Variants in MICU1 observed in about 807,000 individuals in gnomAD.
MICU1 encodes the protein calcium uptake protein 1, mitochondrial.
MICU1 carries 45 observed loss-of-function variants against 56.8 expected under a neutral mutation model. The observed-to-expected ratio is 0.79, with a 90% confidence interval of 0.62 to 1.02. MICU1 has a LOEUF of 1.02. Ranked by LOEUF, MICU1 falls within the 50% of genes least tolerant of loss-of-function variation. The pLI is 0.00. For synonymous variants in MICU1, 186 were observed against 195.1 expected (o/e 0.95, Z 0.39); for missense variants, 504 against 587.1 (o/e 0.86, Z 1.46).
chr10:72,404,959 T>G (rs1370273765), intron 10 of MICU1, among the ~76,000 whole-genome samples: 3 of 152,204 alleles, frequency 2.0e-5, no homozygotes, highest in Non-Finnish European at 2.9e-5. Flanking sequence ...CAGTCTGGAG[T>G]GCAGTGGCGT....
At chr10:72,608,740 A>G (rs1274644113) in intron 1 of MICU1, among the ~76,000 whole-genome samples, 2 of 152,200 alleles carry the variant, frequency 1.3e-5, no homozygotes, top group Non-Finnish European at 2.9e-5. Flanking sequence ...ATGTTTCTCC[A>G]TACTTAACTG....
chr10:72,385,044 C>T (rs1862841033), intron 10 of MICU1, among the ~76,000 whole-genome samples: 1 of 152,132 alleles, frequency 6.6e-6, no homozygotes, highest in South Asian at 2.1e-4. Flanking sequence ...CACTTTCCGG[C>T]ATCACATAAA....
chr10:72,403,195 G>C (rs1438360772), intron 10 of MICU1, among the ~76,000 whole-genome samples: 2 of 151,862 alleles, frequency 1.3e-5, no homozygotes, highest in African/African-American at 4.8e-5. Flanking sequence ...GGCCAAGACA[G>C]TGACCCGGGT....
At chr10:72,444,139 G>A (rs1162897590) in intron 8 of MICU1, among the ~76,000 whole-genome samples, 4 of 149,832 alleles carry the variant, frequency 2.7e-5, no homozygotes, top group African/African-American at 4.9e-5. Flanking sequence ...ACCAAACACC[G>A]CATATTCTCA....
intron 4 of MICU1, among the ~76,000 whole-genome samples, chr10:72,550,102 T>G (rs532545686): frequency 1.3e-5 from 2 of 152,274 alleles, no homozygotes; most frequent in East Asian, 3.9e-4. Context: ...GTACCAATAA[T>G]AACATCATAG....
intron 10 of MICU1, among the ~76,000 whole-genome samples, chr10:72,380,154 G>C (rs906916877): frequency 6.6e-6 from 1 of 152,144 alleles, no homozygotes; most frequent in African/African-American, 2.4e-5. Context: ...ACCAGTTGTT[G>C]GTACTGGAAT....
intron 1 of MICU1, among the ~76,000 whole-genome samples, chr10:72,610,094 AC>A (rs1231750357): frequency 1.3e-5 from 2 of 151,682 alleles, no homozygotes; most frequent in African/African-American, 4.8e-5. Flanking sequence ...CCCCATCCCT[AC>A]AAAAATTTTT....
At position 72,436,149 on chromosome 10, in the gene MICU1, C is replaced by T. The variant is rs2132169263; in HGVS notation, c.934-12778G>A. Among the ~76,000 whole-genome samples, 5 of 152,342 alleles carry T rather than the reference C, an allele frequency of 3.3e-5. No homozygotes were observed. The East Asian group carries it at 9.6e-4, about 29-fold the overall frequency. ...ACACCTCCCAGTAGGGGCTGACAGACACCTCATATAGGCGGCTGCCCCTCT... is the reference window on the plus strand; with the variant it reads ...ACACCTCCCAGTAGGGGCTGACAGATACCTCATATAGGCGGCTGCCCCTCT... On this transcript the variant is annotated intron_variant, in intron 8 of 11. Transcript: ENST00000361114.
chr10:72,512,097 G>GTTTTTTTT (rs1867471926), intron 5 of MICU1, among the ~76,000 whole-genome samples: 4 of 100,702 alleles, frequency 4.0e-5, no homozygotes, highest in African/African-American at 1.7e-4. Context: ...TCCATACACA[G>GTTTTTTTT]TTGTTTTTTG....
chr10:72,539,041 T>C (rs1023746612), intron 4 of MICU1, among the ~76,000 whole-genome samples: 2 of 152,040 alleles, frequency 1.3e-5, no homozygotes, highest in East Asian at 1.9e-4. Context: ...TAAGAAGATA[T>C]GACAATTGTA....
At chr10:72,489,164 C>T (rs143416992) in intron 6 of MICU1, among the ~76,000 whole-genome samples, 4 of 152,010 alleles carry the variant, frequency 2.6e-5, no homozygotes, top group Admixed American at 1.3e-4. Context: ...GTGGCACATG[C>T]GGGTAATCCC....
intron 8 of MICU1, among the ~76,000 whole-genome samples, chr10:72,438,790 G>A (rs910990758): frequency 6.6e-6 from 1 of 152,112 alleles, no homozygotes; most frequent in African/African-American, 2.4e-5. Flanking sequence ...AAATAAACTA[G>A]AAAATCTAGA....
chr10:72,513,681 T>C (rs1386955706), intron 5 of MICU1, among the ~76,000 whole-genome samples: 2 of 151,246 alleles, frequency 1.3e-5, no homozygotes, highest in African/African-American at 2.4e-5. Context: ...GCATTTGCTC[T>C]TTTTTTTTAG....
intron 8 of MICU1, among the ~76,000 whole-genome samples, chr10:72,449,860 C>T (rs1403202043): frequency 6.6e-6 from 1 of 151,954 alleles, no homozygotes; most frequent in Non-Finnish European, 1.5e-5. Context: ...CTGGAGAAGA[C>T]AGAATTGTTG....
At chr10:72,551,456 A>C (rs1840033468) in intron 3 of MICU1, 115 bp from the exon 4 acceptor site, 2 of 704,838 alleles carry the variant, frequency 2.8e-6, no homozygotes, top group Non-Finnish European at 4.1e-6. Flanking sequence ...TTTGGGAAGA[A>C]ATTCTATCAT....
intron 3 of MICU1, among the ~76,000 whole-genome samples, chr10:72,553,699 A>T (rs185640180): frequency 1.6e-4 from 25 of 152,226 alleles, no homozygotes; most frequent in African/African-American, 5.8e-4. Context: ...ACATAAAGGT[A>T]AAAAAATAAG....
At chr10:72,623,040 G>A (rs1281449052) in intron 1 of MICU1, among the ~76,000 whole-genome samples, 5 of 151,926 alleles carry the variant, frequency 3.3e-5, no homozygotes, top group African/African-American at 7.3e-5. Flanking sequence ...AGGCTGAGGC[G>A]GGCGGATCAC....
chr10:72,470,843 A>G (rs567924506), intron 8 of MICU1, among the ~76,000 whole-genome samples: 2 of 152,284 alleles, frequency 1.3e-5, no homozygotes, highest in South Asian at 4.1e-4. Flanking sequence ...ACAAGAGTCT[A>G]TTGGTCTCCT....
chr10:72,467,069 T>C (rs1865815400), intron 8 of MICU1, among the ~76,000 whole-genome samples: 1 of 152,076 alleles, frequency 6.6e-6, no homozygotes, highest in African/African-American at 2.4e-5. Flanking sequence ...TGCAATCTTG[T>C]CTCACTCCGA....
Sources: gnomAD v4.1 joint callset for allele counts (sites outside exome capture counted in the v4.1 genomes callset) on GRCh38, gnomAD v4.1.1 for gene constraint, MANE v1.5 for transcripts, NCBI Gene and HGNC (gene_info 2026-07-23, HGNC 2026-07-21) for gene names.